Variants in GOLIM4 observed in about 807,000 individuals in gnomAD.
The protein encoded by GOLIM4 is golgi integral membrane protein 4.
GOLIM4 carries 71 observed loss-of-function variants against 107.4 expected under a neutral mutation model. The observed-to-expected ratio is 0.66, with a 90% CI of 0.55 to 0.81. The LOEUF is 0.81. GOLIM4 is among the 30% of genes least tolerant of loss of function. GOLIM4 has a pLI of 0.00. For synonymous variants in GOLIM4, 327 were observed against 294.8 expected (o/e 1.11, Z -1.12); for missense variants, 830 against 826.1 (o/e 1.00, Z -0.06).
chr3:168,040,877 A>G lies in GOLIM4; in HGVS notation c.601-8T>C. 2 of 1,594,398 alleles carry G rather than the reference A, an allele frequency of 1.3e-6. No individual in the cohort carries two copies. Among genetic ancestry groups the G allele is most frequent in the Non-Finnish European group, 8.6e-7 (1 of 1,162,334 alleles). On this transcript the variant is annotated splice_polypyrimidine_tract_variant and splice_region_variant and intron_variant, in intron 6 of 15. Coordinates refer to ENST00000470487, the MANE Select transcript of GOLIM4 (RefSeq NM_014498.5). The stretch of plus-strand genomic sequence containing the variant: ...TAAATTCTTATGCTGTTGCTACACA[A>G]AAAAGAATTTTACATGTTGAGCTTT...
chr3:168,067,525 A>AACAC (rs35330464), intron 1 of GOLIM4, among the ~76,000 whole-genome samples: 1 of 150,380 alleles, frequency 6.6e-6, no homozygotes, highest in Non-Finnish European at 1.5e-5. Flanking sequence ...AAAAAAAAAA[A>AACAC]ACACACACAC....
At chr3:168,033,863 C>A (rs1398874967) in intron 8 of GOLIM4, among the ~76,000 whole-genome samples, 1 of 151,962 alleles carries the variant, frequency 6.6e-6, no homozygotes. Context: ...CAAATCAGTT[C>A]TCCCTATAAG....
chr3:168,057,073 T>A (rs960356035), intron 1 of GOLIM4, among the ~76,000 whole-genome samples: 2 of 152,058 alleles, frequency 1.3e-5, no homozygotes, highest in African/African-American at 4.8e-5. Context: ...AACCAAATCA[T>A]GTGGCAGGTC....
intron 1 of GOLIM4, among the ~76,000 whole-genome samples, chr3:168,088,447 C>CTA (rs781499044): frequency 1.8e-4 from 27 of 152,286 alleles, no homozygotes; most frequent in Non-Finnish European, 3.4e-4. Flanking sequence ...TGCACTATTT[C>CTA]TAATCCATAC....
rs1722137219 is a variant in GOLIM4, at chr3:168,095,390, TGAG to T, written c.-108_-106del. ...CCGCAGTAGGTGGCCAGACGCAGCA[TGAG>T]GAGGAGATGCCAGACACAAAAGCCG... On this transcript the variant is annotated 5_prime_UTR_variant, in exon 1 of 16. Coordinates refer to ENST00000470487, the MANE Select transcript of GOLIM4 (RefSeq NM_014498.5). The T allele has an allele frequency of 7.6e-6, 7 of 919,694 alleles. No individual in the cohort carries two copies. Among genetic ancestry groups the T allele is most frequent in the Admixed American group, 2.8e-5 (1 of 36,182 alleles). The allele number at this position is 919,694 out of a possible 1,614,324, so 57.0% of individuals were successfully genotyped here. A position where few individuals can be genotyped will look rare whatever the true frequency, so the allele number is the denominator to read the frequency against.
intron 14 of GOLIM4, among the ~76,000 whole-genome samples, chr3:168,017,203 T>A (rs1257636544): frequency 1.3e-5 from 2 of 152,086 alleles, no homozygotes; most frequent in Non-Finnish European, 2.9e-5. Context: ...AATCAAAAAT[T>A]CTGGCCAGGC....
chr3:168,072,793 C>T (rs1333307449), intron 1 of GOLIM4, among the ~76,000 whole-genome samples: 1 of 151,990 alleles, frequency 6.6e-6, no homozygotes, highest in Admixed American at 6.6e-5. Flanking sequence ...AAGCTAACAA[C>T]AGCAAATAAT....
At chr3:168,058,822 A>G (rs1720112610) in intron 1 of GOLIM4, among the ~76,000 whole-genome samples, 2 of 152,190 alleles carry the variant, frequency 1.3e-5, no homozygotes, top group Admixed American at 6.5e-5. Context: ...TATATTGGAA[A>G]CTTAAGGACT....
rs1290771742 is a variant in GOLIM4, at chr3:168,008,974, A to C, written c.*1295T>G. ...AACCATCTATGAGTGTGGTTATTAA[A>C]AAATAAAATTACGTTCATACAATGG... is the stretch of plus-strand genomic sequence containing the variant. On this transcript the variant is annotated 3_prime_UTR_variant, in exon 16 of 16. Coordinates refer to ENST00000470487, the MANE Select transcript of GOLIM4 (RefSeq NM_014498.5). 1 of 152,260 alleles carries C rather than the reference A, an allele frequency of 6.6e-6. No individual in the cohort carries two copies. Among genetic ancestry groups the C allele is most frequent in the South Asian group, 2.1e-4 (1 of 4,824 alleles). 9.4% of individuals were successfully genotyped at this position (152,260 alleles called of 1,614,324 possible). A position where few individuals can be genotyped will look rare whatever the true frequency, so the allele number is the denominator to read the frequency against.
At chr3:168,012,293 T>G (rs572067748) in intron 14 of GOLIM4, among the ~76,000 whole-genome samples, 2 of 137,492 alleles carry the variant, frequency 1.5e-5, no homozygotes, top group Non-Finnish European at 3.0e-5. Flanking sequence ...GTATCAGCGA[T>G]GGAAGATGAA....
intron 12 of GOLIM4, 83 bp downstream of exon 12, chr3:168,027,645 A>C (rs1718068440): frequency 9.9e-6 from 8 of 806,038 alleles, no homozygotes. Context: ...TCTGGGGCTG[A>C]AGGCTGGCAT....
intron 1 of GOLIM4, among the ~76,000 whole-genome samples, chr3:168,089,832 G>T (rs1328638290): frequency 6.6e-6 from 1 of 150,788 alleles, no homozygotes; most frequent in Non-Finnish European, 1.5e-5. Context: ...GCAGGGGGGT[G>T]ACTGGGCTCA....
chr3:168,068,837 A>T (rs1054360083), intron 1 of GOLIM4, among the ~76,000 whole-genome samples: 298 of 146,194 alleles, frequency 2.0e-3, no homozygotes, highest in East Asian at 4.6e-3. Flanking sequence ...ATTTTATTTT[A>T]TTTTTTTTTT....
intron 1 of GOLIM4, among the ~76,000 whole-genome samples, chr3:168,087,249 G>A (rs1721676528): frequency 6.6e-6 from 1 of 152,048 alleles, no homozygotes; most frequent in Admixed American, 6.5e-5. Flanking sequence ...TAGCATTAAT[G>A]ATTGGTAATA....
chr3:168,016,529 A>G (rs1240927659), intron 14 of GOLIM4, among the ~76,000 whole-genome samples: 2 of 133,454 alleles, frequency 1.5e-5, no homozygotes, highest in Non-Finnish European at 3.0e-5. Flanking sequence ...TGACCCAGCC[A>G]TCCCCTTACT....
intron 14 of GOLIM4, among the ~76,000 whole-genome samples, chr3:168,022,622 C>A (rs1004829013): frequency 6.6e-6 from 1 of 152,168 alleles, no homozygotes; most frequent in African/African-American, 2.4e-5. Flanking sequence ...TTAATCATCT[C>A]ATAACCACAC....
chr3:168,083,649 T>C (rs1721479909), intron 1 of GOLIM4, among the ~76,000 whole-genome samples: 1 of 152,186 alleles, frequency 6.6e-6, no homozygotes, highest in Non-Finnish European at 1.5e-5. Context: ...AGTCAGATAA[T>C]GCAAGAAAAA....
chr3:168,087,339 G>A (rs58020892), intron 1 of GOLIM4, among the ~76,000 whole-genome samples: 52,300 of 151,888 alleles, frequency 0.34, 9,906 homozygotes, highest in East Asian at 0.57. Flanking sequence ...GCTGCCTAAC[G>A]TCTATTCTCT....
intron 7 of GOLIM4, among the ~76,000 whole-genome samples, chr3:168,037,204 CAG>C (rs1328588296): frequency 6.6e-6 from 1 of 152,012 alleles, no homozygotes; most frequent in East Asian, 1.9e-4. Context: ...CTGAAGGAAA[CAG>C]AAAAAATATC....
Sources: allele counts gnomAD v4.1 joint callset (sites outside exome capture counted in the v4.1 genomes callset), GRCh38; gene constraint gnomAD v4.1.1; transcripts MANE v1.5; gene names NCBI Gene and HGNC (gene_info 2026-07-23, HGNC 2026-07-21).